NALF1: variants seen among roughly 807,000 people sequenced by gnomAD.
The protein encoded by NALF1 is family with sequence similarity 155 member A.
In NALF1, 3 loss-of-function variants were observed where a neutral mutation model predicts 48.4. That is an observed-to-expected ratio of 0.06 (90% confidence interval 0.03 to 0.16). The LOEUF is 0.16. Ranked by LOEUF, NALF1 falls within the 10% of genes least tolerant of loss-of-function variation. The pLI is 1.00. For synonymous variants in NALF1, 262 were observed against 245.7 expected, an observed-to-expected ratio of 1.07 and a Z score of -0.62; for missense variants, 526 against 571.5, an observed-to-expected ratio of 0.92 and a Z score of 0.81.
At position 107,271,571 on chromosome 13, in the gene NALF1, C is replaced by CCAGGCTGTGCTCAGGCTGTGCT. The variant is rs56089595; in HGVS notation, c.916-60817_916-60816insAGCACAGCCTGAGCACAGCCTG. Among the ~76,000 whole-genome samples, 35 of 150,064 alleles carry CCAGGCTGTGCTCAGGCTGTGCT rather than the reference C, an allele frequency of 2.3e-4. No individual in the cohort carries two copies. In the Middle Eastern group the frequency reaches 0.01, roughly 44 times the overall value. The stretch of plus-strand genomic sequence containing the variant: ...CTGAGACCCTGAGCTGAGAACTCAG[C>CCAGGCTGTGCTCAGGCTGTGCT]CAGGCTGTGCTCAGGTATTGCAAGA... On this transcript the variant is annotated intron_variant, in intron 1 of 2. Transcript: ENST00000375915.
At chr13:107,450,782 T>C (rs1192251382) in intron 1 of NALF1, among the ~76,000 whole-genome samples, 1 of 152,120 alleles carries the variant, frequency 6.6e-6, no homozygotes, top group African/African-American at 2.4e-5. Context: ...ACACTAATAG[T>C]TATAAACAGA....
intron 1 of NALF1, among the ~76,000 whole-genome samples, chr13:107,539,305 A>G (rs767872741): frequency 6.6e-5 from 10 of 151,984 alleles, no homozygotes; most frequent in Non-Finnish European, 1.5e-4. Flanking sequence ...TGCAAGACAG[A>G]GCAAGAAGGA....
At chr13:107,199,528 A>G (rs191271663) in intron 2 of NALF1, among the ~76,000 whole-genome samples, 62 of 152,178 alleles carry the variant, frequency 4.1e-4, no homozygotes, top group Admixed American at 1.0e-3. Flanking sequence ...GGGGGTTAGG[A>G]TGTCAACATC....
intron 1 of NALF1, among the ~76,000 whole-genome samples, chr13:107,279,186 C>G (rs904425216): frequency 6.6e-6 from 1 of 151,956 alleles, no homozygotes; most frequent in Non-Finnish European, 1.5e-5. Flanking sequence ...TTCATCTACT[C>G]TGTACTTCCC....
intron 1 of NALF1, among the ~76,000 whole-genome samples, chr13:107,576,252 G>A (rs1469741820): frequency 6.6e-6 from 1 of 152,118 alleles, no homozygotes; most frequent in African/African-American, 2.4e-5. Context: ...TCTTATAGAG[G>A]ATAACCATTG....
chr13:107,700,203 C>T (rs1881787187), intron 1 of NALF1, among the ~76,000 whole-genome samples: 1 of 151,364 alleles, frequency 6.6e-6, no homozygotes, highest in Admixed American at 6.6e-5. Context: ...CAAAGAAATA[C>T]CGAGGAAGAG....
At position 107,282,625 on chromosome 13, in the gene NALF1, A is replaced by G. The variant is rs1453538861; in HGVS notation, c.916-71870T>C. 3.6e-4 allele frequency among the ~76,000 whole-genome samples: 54 copies of G among 152,088 alleles called. 1 individual carries two copies. The highest frequency in any genetic ancestry group is 2.9e-5 in the Non-Finnish European group (2 of 68,018). ...CATCTTGTCCTCTTTGGGATCACTC[A>G]CTCTACAGCAAGTATGTTGTAAGGA... On this transcript the variant is annotated intron_variant, in intron 1 of 2. Coordinates refer to ENST00000375915, the MANE Select transcript of NALF1 (RefSeq NM_001080396.3).
At chr13:107,862,477 C>T (rs1187275378) in intron 1 of NALF1, among the ~76,000 whole-genome samples, 1 of 152,014 alleles carries the variant, frequency 6.6e-6, no homozygotes, top group Non-Finnish European at 1.5e-5. Flanking sequence ...GGGAAAATTT[C>T]TGCTGTAGTA....
chr13:107,765,041 C>T (rs541939050), intron 1 of NALF1, among the ~76,000 whole-genome samples: 29 of 152,256 alleles, frequency 1.9e-4, no homozygotes, highest in African/African-American at 6.7e-4. Context: ...ACAAGAGCTG[C>T]TCCTCACCCA....
chr13:107,311,803 T>C lies in NALF1; in HGVS notation c.916-101048A>G, dbSNP rs143039081. Among the ~76,000 whole-genome samples the C allele has an allele frequency of 8.8e-3, 1,333 of 152,132 alleles. 20 individuals are homozygous for C. Among genetic ancestry groups the C allele is most frequent in the African/African-American group, 0.029 (1,206 of 41,506 alleles). On this transcript the variant is annotated intron_variant, in intron 1 of 2. Transcript: ENST00000375915. ...TCTCAAAAGAAGACATTTCTGCAGCTAAAAGACACTTGAAAAAATGCTCAT... is the reference window on the plus strand; with the variant it reads ...TCTCAAAAGAAGACATTTCTGCAGCCAAAAGACACTTGAAAAAATGCTCAT...
intron 1 of NALF1, among the ~76,000 whole-genome samples, chr13:107,703,010 T>C (rs9559138): frequency 0.99 from 151,019 of 152,290 alleles, 74,890 homozygotes; most frequent in East Asian, 1. Context: ...TGAACATATG[T>C]GTGCATGTAT....
intron 1 of NALF1, among the ~76,000 whole-genome samples, chr13:107,744,824 A>T (rs1038201583): frequency 2.0e-5 from 3 of 152,236 alleles, no homozygotes; most frequent in East Asian, 3.8e-4. Flanking sequence ...AGTAAGACAA[A>T]TTCAAGTGTC....
At chr13:107,179,513 A>C (rs1473313183) in intron 2 of NALF1, among the ~76,000 whole-genome samples, 61 of 152,044 alleles carry the variant, frequency 4.0e-4, no homozygotes, top group Non-Finnish European at 1.5e-5. Flanking sequence ...AAAGAGTATA[A>C]TTGGATTGTT....
rs564769246 is a variant in NALF1, at chr13:107,346,435, T to G, written c.916-135680A>C. 4.1e-4 allele frequency among the ~76,000 whole-genome samples: 62 copies of G among 152,218 alleles called. 2 individuals carry two copies. In the South Asian group the frequency reaches 0.012, roughly 30 times the overall value. On this transcript the variant is annotated intron_variant, in intron 1 of 2. Transcript: ENST00000375915. ...GTGTATACGCATGCAATGCAACATA[T>G]TCTGCCTTTAAAAAGGGAAGTCCTG...
chr13:107,749,128 TTG>T (rs58213843), intron 1 of NALF1, among the ~76,000 whole-genome samples: 19,975 of 147,302 alleles, frequency 0.14, 1,485 homozygotes, highest in African/African-American at 0.16. Flanking sequence ...ATGTCTATAA[TTG>T]TGTGTGTGTG....
intron 1 of NALF1, among the ~76,000 whole-genome samples, chr13:107,751,950 T>G (rs1287356407): frequency 6.6e-6 from 1 of 152,078 alleles, no homozygotes; most frequent in African/African-American, 2.4e-5. Context: ...AATATAAATT[T>G]TACATATTGC....
intron 1 of NALF1, among the ~76,000 whole-genome samples, chr13:107,672,772 G>A (rs947361): frequency 0.2 from 30,146 of 151,996 alleles, 3,206 homozygotes; most frequent in Non-Finnish European, 0.24. Flanking sequence ...GTGACCTAAG[G>A]TGATTTTAAA....
intron 1 of NALF1, among the ~76,000 whole-genome samples, chr13:107,372,111 A>G (rs1566498431): frequency 7.2e-6 from 1 of 138,814 alleles, no homozygotes; most frequent in East Asian, 2.3e-4. Flanking sequence ...GCACAGCCGC[A>G]GAACAGGAAA....
At chr13:107,198,948 C>T (rs889382342) in intron 2 of NALF1, among the ~76,000 whole-genome samples, 3 of 152,216 alleles carry the variant, frequency 2.0e-5, no homozygotes, top group Non-Finnish European at 2.9e-5. Context: ...GAGGCCCTAA[C>T]TCCCAGTACG....
Sources: allele counts gnomAD v4.1 joint callset (sites outside exome capture counted in the v4.1 genomes callset), GRCh38; gene constraint gnomAD v4.1.1; transcripts MANE v1.5; gene names NCBI Gene and HGNC (gene_info 2026-07-23, HGNC 2026-07-21).